The following LRMDA variants were observed in gnomAD, a reference collection of about 807,000 sequenced individuals.
LRMDA encodes the protein leucine rich melanocyte differentiation associated.
Under a neutral mutation model 29.8 loss-of-function variants are expected in LRMDA, and 18 were observed. The observed-to-expected ratio is 0.60, with a 90% CI of 0.42 to 0.90. LRMDA has a LOEUF of 0.90. LRMDA is among the 40% of genes least tolerant of loss of function. The pLI is 0.00. For missense variants in LRMDA, 273 were observed against 273.9 expected (o/e 1.00, Z 0.02); for synonymous variants, 125 against 109.4 (o/e 1.14, Z -0.89).
In LRMDA at chr10:75,999,253, C is replaced by T. The variant is rs182298594; in HGVS notation, c.132-36755C>T. 1.2e-4 allele frequency among the ~76,000 whole-genome samples: 18 copies of T among 152,302 alleles called. No individual in the cohort carries two copies. The East Asian group carries it at 1.9e-3, about 16-fold the overall frequency. On this transcript the variant is annotated intron_variant, in intron 2 of 6. Coordinates refer to ENST00000611255, the MANE Select transcript of LRMDA (RefSeq NM_001305581.2). ...CACAAGGACTACCTTCTTTCCAGTGCGTGGCTCATGTCCCTGGGTCTGGCA... is the reference window on the plus strand; with the variant it reads ...CACAAGGACTACCTTCTTTCCAGTGTGTGGCTCATGTCCCTGGGTCTGGCA...
intron 2 of LRMDA, among the ~76,000 whole-genome samples, chr10:75,527,343 G>C (rs1382340899): frequency 6.6e-6 from 1 of 152,140 alleles, no homozygotes; most frequent in African/African-American, 2.4e-5. Context: ...TAATGCTACT[G>C]TGAACATTCT....
At chr10:76,085,229 C>A (rs991855115) in intron 5 of LRMDA, among the ~76,000 whole-genome samples, 2 of 152,166 alleles carry the variant, frequency 1.3e-5, no homozygotes, top group African/African-American at 4.8e-5. Flanking sequence ...CAGGAAATCA[C>A]TAGATGAGAT....
At chr10:75,749,935 C>G (rs1056662601) in intron 2 of LRMDA, among the ~76,000 whole-genome samples, 1 of 152,146 alleles carries the variant, frequency 6.6e-6, no homozygotes, top group African/African-American at 2.4e-5. Context: ...TCAGAGAGCA[C>G]GGGGTTGGGG....
At chr10:76,435,141 G>A (rs942691944) in intron 6 of LRMDA, among the ~76,000 whole-genome samples, 1 of 152,164 alleles carries the variant, frequency 6.6e-6, no homozygotes, top group East Asian at 1.9e-4. Context: ...ACTTAAGGAA[G>A]GGAAAGTATC....
chr10:75,670,989 C>T (rs905180203), intron 2 of LRMDA, among the ~76,000 whole-genome samples: 6 of 152,128 alleles, frequency 3.9e-5, no homozygotes, highest in South Asian at 2.1e-4. Context: ...TTCAAAATAC[C>T]GAGGGGAGCA....
intron 6 of LRMDA, among the ~76,000 whole-genome samples, chr10:76,362,195 G>A (rs572847055): frequency 5.8e-4 from 88 of 152,242 alleles, no homozygotes; most frequent in African/African-American, 2.0e-3. Context: ...GTTATCCACG[G>A]GCTAGTGAAT....
intron 2 of LRMDA, among the ~76,000 whole-genome samples, chr10:75,490,854 G>C (rs1436404671): frequency 6.6e-6 from 1 of 152,200 alleles, no homozygotes; most frequent in Non-Finnish European, 1.5e-5. Context: ...GTTGTTGACT[G>C]TTATGCTGTT....
chr10:76,471,859 T>C (rs762816158), intron 6 of LRMDA, among the ~76,000 whole-genome samples: 3 of 151,800 alleles, frequency 2.0e-5, no homozygotes, highest in Non-Finnish European at 3.0e-5. Context: ...AGTGTCAATT[T>C]GTCAGGTATG....
chr10:76,117,821 G>C (rs1849692693), intron 5 of LRMDA, among the ~76,000 whole-genome samples: 1 of 152,168 alleles, frequency 6.6e-6, no homozygotes, highest in South Asian at 2.1e-4. Context: ...AGACATTCTG[G>C]TGTAGTGTGG....
rs763404546 is a variant in LRMDA, at chr10:76,536,685, C to T, written c.602-20524C>T. Among the ~76,000 whole-genome samples the T allele has an allele frequency of 9.2e-5, 14 of 152,244 alleles. No individual in the cohort carries two copies. The East Asian group carries it at 1.4e-3, about 15-fold the overall frequency. On this transcript the variant is annotated intron_variant, in intron 6 of 6. Coordinates refer to ENST00000611255, the MANE Select transcript of LRMDA (RefSeq NM_001305581.2). ...GGTGATATTGGCATATTTACTGCATCATGTTATGAGGCACGTGTTATTTAA... is the reference window on the plus strand; with the variant it reads ...GGTGATATTGGCATATTTACTGCATTATGTTATGAGGCACGTGTTATTTAA...
intron 6 of LRMDA, chr10:76,438,431 T>C (rs969712364): frequency 2.3e-4 from 35 of 152,166 alleles, no homozygotes; most frequent in African/African-American, 8.4e-4. Context: ...TGGAATCCCA[T>C]TAGGAAATTT....
chr10:75,560,969 C>T (rs1840286488), intron 2 of LRMDA, among the ~76,000 whole-genome samples: 1 of 150,780 alleles, frequency 6.6e-6, no homozygotes, highest in Non-Finnish European at 1.5e-5. Flanking sequence ...CATCAATGTT[C>T]ATCAAGGATA....
intron 2 of LRMDA, among the ~76,000 whole-genome samples, chr10:75,835,116 C>CACATTTGTTCT (rs1229805716): frequency 6.6e-6 from 1 of 152,182 alleles, no homozygotes; most frequent in African/African-American, 2.4e-5. Context: ...ACAAGTAATA[C>CACATTTGTTCT]ACATTTGTTC....
rs143798329 is a variant in LRMDA at position 75,937,361 on chromosome 10, T to C, written c.132-98647T>C. On this transcript the variant is annotated intron_variant, in intron 2 of 6. Transcript: ENST00000611255. ...ATCTCATTTAAAAGAATGAGCCATT[T>C]TGGAGCTGCTGTTGTATCACAATTC... 6.2e-3 allele frequency among the ~76,000 whole-genome samples: 940 copies of C among 152,330 alleles called. 8 individuals carry two copies. The highest frequency in any genetic ancestry group is 0.021 in the African/African-American group (879 of 41,578).
At chr10:76,409,562 CTTT>C (rs942923353) in intron 6 of LRMDA, among the ~76,000 whole-genome samples, 2 of 152,020 alleles carry the variant, frequency 1.3e-5, no homozygotes, top group Non-Finnish European at 2.9e-5. Flanking sequence ...TACTTCTAGC[CTTT>C]TTTTAGTGCA....
chr10:75,525,592 CT>C (rs11415547), intron 2 of LRMDA, among the ~76,000 whole-genome samples: 4,682 of 129,612 alleles, frequency 0.036, 125 homozygotes, highest in African/African-American at 0.097. Flanking sequence ...TTCTTTCTTT[CT>C]TTTTTTTTTT....
rs1227484251 is a variant in LRMDA, at chr10:75,679,702, C to T, written c.131+241208C>T. 1.2e-4 allele frequency among the ~76,000 whole-genome samples: 18 copies of T among 152,100 alleles called. 1 individual carries two copies. Among genetic ancestry groups the T allele is most frequent in the Admixed American group, 1.2e-3 (18 of 15,258 alleles). Reference sequence around the variant, plus strand: ...TGGCATCATCTAGTTAGTAGGTTTGCTTTGTTTTTTCATTCCATTCTGTTC... The same window carrying T: ...TGGCATCATCTAGTTAGTAGGTTTGTTTTGTTTTTTCATTCCATTCTGTTC... On this transcript the variant is annotated intron_variant, in intron 2 of 6. Transcript: ENST00000611255.
intron 2 of LRMDA, among the ~76,000 whole-genome samples, chr10:75,536,712 A>G (rs1231626424): frequency 1.3e-5 from 2 of 152,048 alleles, no homozygotes; most frequent in South Asian, 2.1e-4. Context: ...AATTAGTAGT[A>G]GCTGGGGATA....
rs142684896 is a variant in LRMDA at position 75,705,113 on chromosome 10, G to A, written c.131+266619G>A. On this transcript the variant is annotated intron_variant, in intron 2 of 6. Coordinates refer to ENST00000611255, the MANE Select transcript of LRMDA (RefSeq NM_001305581.2). ...CTAAAGAGTTAAAGTATATATTGAA[G>A]CATTTAGCGTGGAACGAGACACAGT... Among the ~76,000 whole-genome samples, 922 of 152,286 alleles carry A rather than the reference G, an allele frequency of 6.1e-3. 7 individuals carry two copies. The highest frequency in any genetic ancestry group is 0.014 in the Admixed American group (209 of 15,298).
Sources: gnomAD v4.1 joint callset for allele counts (sites outside exome capture counted in the v4.1 genomes callset) on GRCh38, gnomAD v4.1.1 for gene constraint, MANE v1.5 for transcripts, NCBI Gene and HGNC (gene_info 2026-07-23, HGNC 2026-07-21) for gene names.